Variants in NAALADL2 observed in about 807,000 individuals in gnomAD.
NAALADL2 encodes the protein inactive N-acetylated-alpha-linked acidic dipeptidase-like protein 2.
In NAALADL2, 76 loss-of-function variants were observed where a neutral mutation model predicts 87.2. That is an observed-to-expected ratio of 0.87 (90% CI 0.72 to 1.05). NAALADL2 has a LOEUF of 1.05. NAALADL2 is among the 50% of genes least tolerant of loss of function. NAALADL2 has a pLI of 0.00. For missense variants in NAALADL2, 1,089 were observed against 945.8 expected (o/e 1.15, Z -1.99); for synonymous variants, 354 against 331.0 (o/e 1.07, Z -0.75).
At chr3:174,981,532 T>C (rs1745111926) in intron 1 of NAALADL2, among the ~76,000 whole-genome samples, 1 of 152,076 alleles carries the variant, frequency 6.6e-6, no homozygotes, top group African/African-American at 2.4e-5. Flanking sequence ...TCTGAAAGAG[T>C]ATTTTGCAGA....
chr3:175,329,602 C>A (rs1281351325), intron 5 of NAALADL2, among the ~76,000 whole-genome samples: 1 of 152,086 alleles, frequency 6.6e-6, no homozygotes, highest in African/African-American at 2.4e-5. Flanking sequence ...GTTAGATATT[C>A]ACAGTATGAA....
intron 2 of NAALADL2, among the ~76,000 whole-genome samples, chr3:175,141,592 A>C (rs1010826020): frequency 2.6e-5 from 4 of 152,044 alleles, no homozygotes; most frequent in Non-Finnish European, 5.9e-5. Context: ...ACAATGTAGA[A>C]ATCTACATAT....
At chr3:175,641,492 C>T (rs111807055) in intron 11 of NAALADL2, among the ~76,000 whole-genome samples, 39 of 152,162 alleles carry the variant, frequency 2.6e-4, no homozygotes, top group African/African-American at 9.4e-4. Context: ...AGTTGGTGCT[C>T]AGTAATTATT....
intron 2 of NAALADL2, among the ~76,000 whole-genome samples, chr3:174,683,529 C>G (rs1727750130): frequency 6.6e-6 from 1 of 151,734 alleles, no homozygotes; most frequent in South Asian, 2.1e-4. Flanking sequence ...GTATCAAATA[C>G]TATAAAAACT....
At chr3:174,464,824 T>C (rs1325595557) in intron 1 of NAALADL2, among the ~76,000 whole-genome samples, 4 of 152,000 alleles carry the variant, frequency 2.6e-5, no homozygotes, top group African/African-American at 9.7e-5. Flanking sequence ...GGATTCACTC[T>C]TCAGGTAAAA....
At chr3:175,086,964 T>C (rs2108285410) in intron 1 of NAALADL2, among the ~76,000 whole-genome samples, 1 of 152,228 alleles carries the variant, frequency 6.6e-6, no homozygotes, top group Non-Finnish European at 1.5e-5. Flanking sequence ...AAAACTTGAA[T>C]TTTGTATTAT....
chr3:174,968,337 G>A (rs1306576761), intron 1 of NAALADL2, among the ~76,000 whole-genome samples: 3 of 152,080 alleles, frequency 2.0e-5, no homozygotes, highest in African/African-American at 4.8e-5. Flanking sequence ...TTCTGCCAAC[G>A]CTGTGTGACC....
At chr3:175,689,457 G>T (rs6806940) in intron 11 of NAALADL2, among the ~76,000 whole-genome samples, 33,710 of 151,964 alleles carry the variant, frequency 0.22, 7,407 homozygotes, top group African/African-American at 0.57. Context: ...GACAAAAATT[G>T]GCAAATAATT....
chr3:175,180,679 CATTA>C (rs2108983499), intron 2 of NAALADL2, among the ~76,000 whole-genome samples: 1 of 89,922 alleles, frequency 1.1e-5, no homozygotes, highest in East Asian at 3.6e-4. Flanking sequence ...TTCCAACCAC[CATTA>C]ATTATTATCA....
At chr3:175,340,039 A>G (rs1762414734) in intron 5 of NAALADL2, among the ~76,000 whole-genome samples, 1 of 152,126 alleles carries the variant, frequency 6.6e-6, no homozygotes, top group African/African-American at 2.4e-5. Context: ...GTGGCATATG[A>G]TATTCACTGT....
intron 2 of NAALADL2, among the ~76,000 whole-genome samples, chr3:174,723,990 T>C (rs1468416236): frequency 2.0e-5 from 3 of 152,096 alleles, no homozygotes; most frequent in Admixed American, 2.0e-4. Flanking sequence ...ATAAGTTTTT[T>C]TGAGTCTTAG....
At chr3:175,037,873 G>A (rs1272133733) in intron 1 of NAALADL2, among the ~76,000 whole-genome samples, 1 of 152,038 alleles carries the variant, frequency 6.6e-6, no homozygotes, top group Non-Finnish European at 1.5e-5. Flanking sequence ...GCTAGACAGA[G>A]GTACTACATC....
intron 3 of NAALADL2, among the ~76,000 whole-genome samples, chr3:174,847,349 T>A (rs1223130272): frequency 1.3e-5 from 2 of 152,238 alleles, no homozygotes; most frequent in Non-Finnish European, 2.9e-5. Context: ...GAGGAATATC[T>A]GCTCTATAAA....
intron 1 of NAALADL2, among the ~76,000 whole-genome samples, chr3:174,524,718 A>T (rs1256132611): frequency 8.1e-5 from 1 of 12,382 alleles, no homozygotes; most frequent in African/African-American, 3.2e-4. Flanking sequence ...CAACAAATTA[A>T]AAAAAAAAAA....
intron 2 of NAALADL2, among the ~76,000 whole-genome samples, chr3:174,641,175 G>A (rs1419615453): frequency 6.6e-6 from 1 of 152,134 alleles, no homozygotes; most frequent in African/African-American, 2.4e-5. Context: ...AGAAGCAAAC[G>A]GCCAGGGTCT....
At chr3:175,570,879 C>CAAAAAA (rs553923028) in intron 9 of NAALADL2, among the ~76,000 whole-genome samples, 1 of 77,872 alleles carries the variant, frequency 1.3e-5, no homozygotes, top group Admixed American at 1.4e-4. Context: ...GACTCCATCT[C>CAAAAAA]AAAAAAAAAA....
chr3:175,757,003 T>C (rs1358063179), intron 13 of NAALADL2, among the ~76,000 whole-genome samples: 1 of 151,362 alleles, frequency 6.6e-6, no homozygotes, highest in Non-Finnish European at 1.5e-5. Context: ...ATATTTTTTA[T>C]ATGTGTATGT....
At chr3:175,756,572 A>G (rs953387613) in intron 13 of NAALADL2, among the ~76,000 whole-genome samples, 1 of 152,178 alleles carries the variant, frequency 6.6e-6, no homozygotes, top group Non-Finnish European at 1.5e-5. Flanking sequence ...TAACTCTGAA[A>G]CAGAAAATCA....
intron 1 of NAALADL2, among the ~76,000 whole-genome samples, chr3:174,898,536 C>T (rs1731900613): frequency 6.6e-6 from 1 of 151,894 alleles, no homozygotes; most frequent in African/African-American, 2.4e-5. Flanking sequence ...AGGATAAATG[C>T]TTGAGGAGAT....
Sources: allele counts gnomAD v4.1 joint callset (sites outside exome capture counted in the v4.1 genomes callset), GRCh38; gene constraint gnomAD v4.1.1; transcripts MANE v1.5; gene names NCBI Gene and HGNC (gene_info 2026-07-23, HGNC 2026-07-21).